CLYBL: variants seen among roughly 807,000 people sequenced by gnomAD.
CLYBL encodes citramalyl-CoA lyase, mitochondrial.
In CLYBL, 31 loss-of-function variants were observed where a neutral mutation model predicts 38.9. The ratio of observed to expected loss-of-function variants is 0.80; its 90% CI spans 0.60 to 1.08. The LOEUF (loss-of-function observed/expected upper bound fraction) is 1.08. Ranked by LOEUF, CLYBL falls within the 50% of genes least tolerant of loss-of-function variation. The pLI is 0.00. For synonymous variants in CLYBL, 171 were observed against 158.6 expected (o/e 1.08, Z -0.59); for missense variants, 434 against 411.6 (o/e 1.05, Z -0.47).
At chr13:99,880,066 A>ATTTT (rs1283526295) in intron 7 of CLYBL, among the ~76,000 whole-genome samples, 31 of 60,762 alleles carry the variant, frequency 5.1e-4, no homozygotes, top group African/African-American at 1.3e-3. Flanking sequence ...ATATATATAT[A>ATTTT]TATTTTTTTT....
At chr13:99,884,436 C>T (rs1420696299) in intron 7 of CLYBL, among the ~76,000 whole-genome samples, 2 of 152,142 alleles carry the variant, frequency 1.3e-5, no homozygotes, top group Non-Finnish European at 2.9e-5. Context: ...CTTAGCTGCT[C>T]CTCACCCTTC....
At chr13:99,714,027 A>G (rs1386116025) in intron 1 of CLYBL, among the ~76,000 whole-genome samples, 201 of 117,164 alleles carry the variant, frequency 1.7e-3, no homozygotes, top group African/African-American at 5.7e-3. Flanking sequence ...TTGCTCTGTC[A>G]CCCAGGCTGG....
chr13:99,749,748 C>T (rs969391667), intron 1 of CLYBL, among the ~76,000 whole-genome samples: 5 of 152,194 alleles, frequency 3.3e-5, no homozygotes, highest in African/African-American at 1.2e-4. Flanking sequence ...GCTAATCTCA[C>T]GAATGGCCCT....
intron 1 of CLYBL, among the ~76,000 whole-genome samples, chr13:99,752,303 T>C (rs1198442476): frequency 6.6e-6 from 1 of 152,116 alleles, no homozygotes; most frequent in East Asian, 1.9e-4. Context: ...CCAGCCTAGC[T>C]TGGAGTCCAT....
intron 1 of CLYBL, among the ~76,000 whole-genome samples, chr13:99,725,733 C>A (rs559862628): frequency 4.1e-4 from 62 of 152,232 alleles, no homozygotes; most frequent in Non-Finnish European, 7.6e-4. Flanking sequence ...CCGTACATTT[C>A]CACGCCGCTG....
intron 1 of CLYBL, among the ~76,000 whole-genome samples, chr13:99,657,006 T>C (rs2047339909): frequency 6.6e-6 from 1 of 152,222 alleles, no homozygotes; most frequent in South Asian, 2.1e-4. Flanking sequence ...AATTTCTATA[T>C]GTCAACTAAA....
At chr13:99,636,847 T>G (rs2047024683) in intron 1 of CLYBL, among the ~76,000 whole-genome samples, 1 of 152,094 alleles carries the variant, frequency 6.6e-6, no homozygotes, top group Admixed American at 6.5e-5. Flanking sequence ...AGATGGAGTA[T>G]TAGCAAGACA....
chr13:99,633,481 G>A (rs1163520489), intron 1 of CLYBL, among the ~76,000 whole-genome samples: 2 of 147,584 alleles, frequency 1.4e-5, no homozygotes, highest in African/African-American at 5.1e-5. Flanking sequence ...GTTGCAGTGA[G>A]CCAAGATGGC....
At chr13:99,807,384 A>G (rs1323821553) in intron 2 of CLYBL, among the ~76,000 whole-genome samples, 2 of 152,204 alleles carry the variant, frequency 1.3e-5, no homozygotes, top group Non-Finnish European at 2.9e-5. Flanking sequence ...GAGCCAGCAC[A>G]CCCATGTTCC....
At chr13:99,795,984 G>T (rs574141210) in intron 2 of CLYBL, among the ~76,000 whole-genome samples, 1 of 152,324 alleles carries the variant, frequency 6.6e-6, no homozygotes, top group East Asian at 1.9e-4. Context: ...CTTTCCTAGA[G>T]CTGTGGATGG....
At chr13:99,629,033 G>A (rs35279065) in intron 1 of CLYBL, among the ~76,000 whole-genome samples, 16 of 152,222 alleles carry the variant, frequency 1.1e-4, no homozygotes, top group Non-Finnish European at 1.9e-4. Context: ...CTGCTGCTTC[G>A]TTCGCGGACT....
intron 2 of CLYBL, among the ~76,000 whole-genome samples, chr13:99,775,390 A>G (rs1256624320): frequency 6.6e-6 from 1 of 152,196 alleles, no homozygotes; most frequent in Non-Finnish European, 1.5e-5. Flanking sequence ...ATTGCCCACC[A>G]TCTTGAAGTA....
chr13:99,815,694 T>G (rs1356691002), intron 2 of CLYBL, among the ~76,000 whole-genome samples: 1 of 152,100 alleles, frequency 6.6e-6, no homozygotes, highest in African/African-American at 2.4e-5. Flanking sequence ...AAGACAAACA[T>G]GGTGAAACCT....
chr13:99,797,148 G>GT (rs1309931383), intron 2 of CLYBL, among the ~76,000 whole-genome samples: 1 of 152,180 alleles, frequency 6.6e-6, no homozygotes, highest in Non-Finnish European at 1.5e-5. Context: ...CACTTTGGGA[G>GT]TTATATAGAG....
intron 2 of CLYBL, among the ~76,000 whole-genome samples, chr13:99,828,386 A>T (rs1224415669): frequency 2.0e-5 from 3 of 152,256 alleles, no homozygotes; most frequent in African/African-American, 7.2e-5. Context: ...CTGTTCCCAC[A>T]GAAACAGCTC....
At chr13:99,688,541 T>C (rs1021519361) in intron 1 of CLYBL, among the ~76,000 whole-genome samples, 1 of 152,158 alleles carries the variant, frequency 6.6e-6, no homozygotes, top group African/African-American at 2.4e-5. Flanking sequence ...TATATTTTAA[T>C]CTGAATTAGC....
intron 7 of CLYBL, among the ~76,000 whole-genome samples, chr13:99,882,760 A>G (rs1232048285): frequency 2.0e-5 from 3 of 152,146 alleles, no homozygotes; most frequent in Non-Finnish European, 4.4e-5. Context: ...ACCCTCCTCC[A>G]ATTTTCAGTT....
intron 1 of CLYBL, among the ~76,000 whole-genome samples, chr13:99,632,197 C>T (rs1035481995): frequency 1.3e-5 from 2 of 152,162 alleles, no homozygotes; most frequent in Admixed American, 6.5e-5. Context: ...CCCAAATCTG[C>T]ATATGAAATT....
intron 2 of CLYBL, among the ~76,000 whole-genome samples, chr13:99,820,547 G>T (rs1311574875): frequency 6.9e-6 from 1 of 144,736 alleles, no homozygotes; most frequent in Admixed American, 7.3e-5. Flanking sequence ...TTCTCCTTTG[G>T]TCCTGTAACC....
Sources: gnomAD v4.1 joint callset for allele counts (sites outside exome capture counted in the v4.1 genomes callset) on GRCh38, gnomAD v4.1.1 for gene constraint, MANE v1.5 for transcripts, NCBI Gene and HGNC (gene_info 2026-07-23, HGNC 2026-07-21) for gene names.